COTL1: variants seen among roughly 807,000 people sequenced by gnomAD.
COTL1 encodes coactosin-like protein.
A neutral mutation model predicts 16.5 loss-of-function variants in COTL1; 15 were observed. The ratio of observed to expected loss-of-function variants is 0.91; its 90% CI spans 0.61 to 1.40. COTL1 has a LOEUF of 1.40. COTL1 is among the 40% of genes most tolerant of loss of function. COTL1 has a pLI of 0.00. For synonymous variants in COTL1, 112 were observed against 85.3 expected (o/e 1.31, Z -1.73); for missense variants, 220 against 201.5 (o/e 1.09, Z -0.56).
chr16:84,606,105 T>C (rs1159328144), intron 2 of COTL1, among the ~76,000 whole-genome samples: 1 of 152,222 alleles, frequency 6.6e-6, no homozygotes, highest in African/African-American at 2.4e-5. Context: ...AAATATTAAA[T>C]GCTGACGTGC....
chr16:84,573,525 A>T (rs1904379713), intron 3 of COTL1, among the ~76,000 whole-genome samples: 1 of 152,248 alleles, frequency 6.6e-6, no homozygotes, highest in South Asian at 2.1e-4. Context: ...GCTCATGCCC[A>T]GCACTTTGGG....
intron 2 of COTL1, among the ~76,000 whole-genome samples, chr16:84,600,233 G>T (rs1331524379): frequency 6.6e-6 from 1 of 151,692 alleles, no homozygotes; most frequent in Non-Finnish European, 1.5e-5. Context: ...GTATTAAAAA[G>T]TGTAAAAACT....
At chr16:84,606,535 G>C (rs1905214060) in intron 2 of COTL1, among the ~76,000 whole-genome samples, 1 of 152,256 alleles carries the variant, frequency 6.6e-6, no homozygotes, top group African/African-American at 2.4e-5. Context: ...TGCACATGTG[G>C]CTATGATCTT....
intron 2 of COTL1, among the ~76,000 whole-genome samples, chr16:84,611,716 C>T (rs1905330169): frequency 6.6e-6 from 1 of 152,210 alleles, no homozygotes; most frequent in Non-Finnish European, 1.5e-5. Context: ...GTTTGCAAAA[C>T]TATATCTGAA....
In COTL1 at chr16:84,598,489, C is replaced by T. The variant is rs534674774; in HGVS notation, c.161-8227G>A. Among the ~76,000 whole-genome samples, 11 of 152,280 alleles carry T rather than the reference C, an allele frequency of 7.2e-5. No individual in the cohort carries two copies. In the South Asian group the frequency reaches 1.0e-3, roughly 14 times the overall value. On this transcript the variant is annotated intron_variant, in intron 2 of 3. Coordinates refer to ENST00000262428, the MANE Select transcript of COTL1 (RefSeq NM_021149.5). ...CTAACGTTCTCAGGATACCGCCTGG[C>T]GCAGAGCTGTGAACTCAGCAGCCGG... is the stretch of plus-strand genomic sequence containing the variant.
chr16:84,592,973 C>T (rs549641405), intron 2 of COTL1, among the ~76,000 whole-genome samples: 9 of 152,376 alleles, frequency 5.9e-5, no homozygotes, highest in Admixed American at 1.3e-4. Flanking sequence ...ATTGGCACAC[C>T]ACTTTTCAGT....
At chr16:84,575,249 G>C (rs1438989329) in intron 3 of COTL1, 1 of 152,086 alleles carries the variant, frequency 6.6e-6, no homozygotes, top group Non-Finnish European at 1.5e-5. Context: ...TGTTGGCCAG[G>C]CTGGTCTTGA....
At chr16:84,607,720 C>T (rs541101368) in intron 2 of COTL1, among the ~76,000 whole-genome samples, 26 of 151,980 alleles carry the variant, frequency 1.7e-4, no homozygotes, top group Non-Finnish European at 3.1e-4. Flanking sequence ...AAGTGGGAGG[C>T]GGGGGAGCAA....
At chr16:84,585,279 T>C (rs1904691248) in intron 3 of COTL1, among the ~76,000 whole-genome samples, 1 of 145,614 alleles carries the variant, frequency 6.9e-6, no homozygotes, top group South Asian at 2.3e-4. Flanking sequence ...TGCTTAAGCA[T>C]GGGAGGCAGA....
intron 3 of COTL1, chr16:84,568,193 TC>T (rs1452232717): frequency 2.0e-5 from 3 of 152,184 alleles, no homozygotes; most frequent in Admixed American, 6.5e-5. Flanking sequence ...AAGCAGGGTT[TC>T]GCCACATTGG....
At chr16:84,607,893 A>G (rs989696198) in intron 2 of COTL1, among the ~76,000 whole-genome samples, 1 of 152,164 alleles carries the variant, frequency 6.6e-6, no homozygotes, top group Non-Finnish European at 1.5e-5. Flanking sequence ...AGCCCTAAGA[A>G]ACGCCTAGAC....
chr16:84,569,552 G>A (rs745378727), intron 3 of COTL1, among the ~76,000 whole-genome samples: 56 of 152,074 alleles, frequency 3.7e-4, no homozygotes, highest in Non-Finnish European at 6.8e-4. Flanking sequence ...TGTGTGCCAG[G>A]AACAGCCTCA....
At chr16:84,603,365 T>C (rs748383235) in intron 2 of COTL1, among the ~76,000 whole-genome samples, 23 of 150,938 alleles carry the variant, frequency 1.5e-4, no homozygotes, top group African/African-American at 5.6e-4. Flanking sequence ...GCCAGGGCTC[T>C]GCGCCAGGCT....
chr16:84,615,139 C>T (rs969013673), intron 2 of COTL1, among the ~76,000 whole-genome samples: 2 of 152,196 alleles, frequency 1.3e-5, no homozygotes, highest in South Asian at 2.1e-4. Flanking sequence ...AAGGAACAAG[C>T]GTTTCCGAGA....
chr16:84,577,924 C>T (rs570246855), intron 3 of COTL1, among the ~76,000 whole-genome samples: 281 of 152,338 alleles, frequency 1.8e-3, no homozygotes, highest in South Asian at 6.8e-3. Flanking sequence ...TGCCTGGAGT[C>T]TCAGGCTCGG....
At chr16:84,574,825 C>A (rs1379034469) in intron 3 of COTL1, among the ~76,000 whole-genome samples, 1 of 151,962 alleles carries the variant, frequency 6.6e-6, no homozygotes, top group African/African-American at 2.4e-5. Context: ...AGTTTTGTCC[C>A]TGTGACCTTT....
At chr16:84,569,320 AAAAT>A (rs1007319944) in intron 3 of COTL1, among the ~76,000 whole-genome samples, 1 of 152,134 alleles carries the variant, frequency 6.6e-6, no homozygotes, top group Non-Finnish European at 1.5e-5. Context: ...GATCTGTCTC[AAAAT>A]AAATAAATAA....
chr16:84,567,845 A>G (rs1262549938), intron 3 of COTL1: 3 of 152,174 alleles, frequency 2.0e-5, no homozygotes, highest in Admixed American at 6.5e-5. Context: ...AGTTACTGCC[A>G]TATGTGGATC....
intron 2 of COTL1, among the ~76,000 whole-genome samples, chr16:84,615,024 T>C (rs1905435531): frequency 6.6e-6 from 1 of 152,200 alleles, no homozygotes; most frequent in Non-Finnish European, 1.5e-5. Context: ...CACCAGGCTG[T>C]TCTGAGGTAT....
Sources: allele counts gnomAD v4.1 joint callset (sites outside exome capture counted in the v4.1 genomes callset), GRCh38; gene constraint gnomAD v4.1.1; transcripts MANE v1.5; gene names NCBI Gene and HGNC (gene_info 2026-07-23, HGNC 2026-07-21).